Variants in ACTL6B observed in about 807,000 individuals in gnomAD.
The protein encoded by ACTL6B is actin-like protein 6B.
A neutral mutation model predicts 63.3 loss-of-function variants in ACTL6B; 48 were observed. That is an observed-to-expected ratio of 0.76 (90% confidence interval 0.60 to 0.96). ACTL6B has a LOEUF of 0.96. ACTL6B is among the 50% of genes least tolerant of loss of function. ACTL6B has a pLI of 0.00. For missense variants in ACTL6B, 350 were observed against 572.2 expected, an observed-to-expected ratio of 0.61 and a Z score of 3.96; for synonymous variants, 230 against 223.8, an observed-to-expected ratio of 1.03 and a Z score of -0.25.
rs1803819548 is a variant in ACTL6B, at chr7:100,646,238, T to C, written c.1200+11A>G. On this transcript the variant is annotated intron_variant, in intron 13 of 13. Transcript: ENST00000160382. This position sits in a 1 kb window ranked among gnomAD's most constrained non-coding sequence, Gnocchi z 6.1. ...CACAGTCAGTGCTAGGCCAGGTCCC[T>C]TTCCTCTCACCAGTGAGGCCAGGAT... is the stretch of plus-strand genomic sequence containing the variant. 1 of 1,613,382 alleles carries C rather than the reference T, an allele frequency of 6.2e-7. No individual in the cohort carries two copies. The highest frequency in any genetic ancestry group is 8.5e-7 in the Non-Finnish European group (1 of 1,179,548).
chr7:100,655,933 G>C lies in ACTL6B; in HGVS notation c.26-54C>G. 6.6e-7 allele frequency: 1 copy of C among 1,516,652 alleles called. No homozygotes were observed. The allele number at this position is 1,516,652 out of a possible 1,614,324, so 93.9% of individuals were successfully genotyped here. A position where few individuals can be genotyped will look rare whatever the true frequency, so the allele number is the denominator to read the frequency against. ...ACCTCCCCCGAACTCTCTCCCGCTA[G>C]GTAGCTCCGAGAGAAAGTCAGGGCA... On this transcript the variant is annotated intron_variant, in intron 1 of 13. Coordinates refer to ENST00000160382, the MANE Select transcript of ACTL6B (RefSeq NM_016188.5). This position sits in a 1 kb window ranked among gnomAD's most constrained non-coding sequence, Gnocchi z 4.4.
At position 100,655,276 on chromosome 7, in the gene ACTL6B, A is replaced by G. The variant is rs1804016541; in HGVS notation, c.268+145T>C. 1 of 1,231,892 alleles carries G rather than the reference A, an allele frequency of 8.1e-7. No homozygotes were observed. The highest frequency in any genetic ancestry group is 2.0e-5 in the Admixed American group (1 of 49,236). 76.3% of individuals were successfully genotyped at this position (1,231,892 alleles called of 1,614,324 possible). ...CCAGAAACCTGGTGGGCCCCTGGGA[A>G]GGGAACCCAGCGAGAAGAACCCTGG... is the stretch of plus-strand genomic sequence containing the variant. On this transcript the variant is annotated intron_variant, in intron 3 of 13. Transcript: ENST00000160382. The surrounding 1 kb of genome is among the most constrained non-coding windows in gnomAD (Gnocchi z 4.4).
At position 100,655,215 on chromosome 7, in the gene ACTL6B, G is replaced by T. The variant is rs1804015538; in HGVS notation, c.269-96C>A. On this transcript the variant is annotated intron_variant, in intron 3 of 13. Transcript: ENST00000160382. The surrounding 1 kb of genome is among the most constrained non-coding windows in gnomAD (Gnocchi z 4.4). ...GGAGAAAGGCCAAGCCCAAAGGAGG[G>T]TCAGTGAGTCCAGCTCCAGGGGAAC... 3.2e-6 allele frequency: 4 copies of T among 1,237,634 alleles called. No individual in the cohort carries two copies. The highest frequency in any genetic ancestry group is 1.5e-5 in the African/African-American group (1 of 67,884). 76.7% of individuals were successfully genotyped at this position (1,237,634 alleles called of 1,614,324 possible).
intron 13 of ACTL6B, among the ~76,000 whole-genome samples, chr7:100,645,371 C>T (rs762763186): frequency 2.6e-5 from 4 of 152,100 alleles, no homozygotes; most frequent in African/African-American, 4.8e-5. Flanking sequence ...TACTAGTTGC[C>T]CCTTGCTGTC....
chr7:100,655,111 A>C lies in ACTL6B; in HGVS notation c.277T>G (p.Trp93Gly). 1 of 1,613,872 alleles carries C rather than the reference A, an allele frequency of 6.2e-7. No homozygotes were observed. Among genetic ancestry groups the C allele is most frequent in the Non-Finnish European group, 8.5e-7 (1 of 1,179,892 alleles). ...TCCAGGATGGCTCGGAAGCACTCCC[A>C]GTCCTCGACTGGGGCCAGAAGAGCA... Reference protein sequence around the residue: ...SPLKNGMIEDWECFRAILDHT... With the variant: ...SPLKNGMIEDGECFRAILDHT... The change falls in exon 4 of 14, where the codon TGG becomes GGG. Residue 93 changes from tryptophan to glycine, a missense_variant. Trp to Gly is a radical substitution (Grantham distance 184). Coordinates refer to ENST00000160382, the MANE Select transcript of ACTL6B (RefSeq NM_016188.5). This position sits in a 1 kb window ranked among gnomAD's most constrained non-coding sequence, Gnocchi z 4.4.
chr7:100,654,706 C>T (rs1194514702), intron 4 of ACTL6B, among the ~76,000 whole-genome samples: 1 of 150,978 alleles, frequency 6.6e-6, no homozygotes, highest in Non-Finnish European at 1.5e-5. Flanking sequence ...CCTTTGATGT[C>T]GGGAGGCAGA....
chr7:100,645,286 C>G (rs1221150560), intron 13 of ACTL6B, among the ~76,000 whole-genome samples: 2 of 152,090 alleles, frequency 1.3e-5, no homozygotes, highest in African/African-American at 2.4e-5. Flanking sequence ...TGCTCAGTAC[C>G]TTCCTTCGAA....
Position 100,648,703 on chromosome 7 carries a change from AC to A in ACTL6B, c.562+25del, listed in dbSNP as rs1338030791. On this transcript the variant is annotated intron_variant, in intron 6 of 13. Coordinates refer to ENST00000160382, the MANE Select transcript of ACTL6B (RefSeq NM_016188.5). This position sits in a 1 kb window ranked among gnomAD's most constrained non-coding sequence, Gnocchi z 4.4. Reference sequence around the variant, plus strand: ...TGTCAGGACCTGGTCCTCCTGGAGCACCCCCACCCCCTGCCGAAGCCCCACC... The same window carrying A: ...TGTCAGGACCTGGTCCTCCTGGAGCACCCCACCCCCTGCCGAAGCCCCACC... 3.1e-6 allele frequency: 5 copies of A among 1,612,668 alleles called. No individual in the cohort carries two copies. In the African/African-American group the frequency reaches 5.4e-5, roughly 17 times the overall value.
Position 100,647,499 on chromosome 7 carries a change from T to G in ACTL6B, c.704A>C (p.Lys235Thr). 6.2e-7 allele frequency: 1 copy of G among 1,610,186 alleles called. No homozygotes were observed. Among genetic ancestry groups the G allele is most frequent in the Non-Finnish European group, 8.5e-7 (1 of 1,178,004 alleles). ...PVREGAPPNW[K>T]KKEKLPQVSK... ...GACCTGGGGTAGCTTCTCCTTCTTC[T>G]TCCAGTTTGGGGGGGCACCCTCCCG... The change falls in exon 8 of 14, where the codon AAG (lysine) becomes ACG (threonine). Residue 235 changes from lysine to threonine, a missense_variant. By Grantham distance (78) the Lys-to-Thr change is moderately conservative. Transcript: ENST00000160382. This position sits in a 1 kb window ranked among gnomAD's most constrained non-coding sequence, Gnocchi z 4.4.
In ACTL6B at chr7:100,646,448, G is replaced by A; in HGVS notation, c.1113+103C>T. 1 of 1,538,914 alleles carries A rather than the reference G, an allele frequency of 6.5e-7. No individual in the cohort carries two copies. Among genetic ancestry groups the A allele is most frequent in the Non-Finnish European group, 9.0e-7 (1 of 1,114,908 alleles). ...ACAGGGGCAGGGGTTCTGCTCTGGT[G>A]GCCAGAACAGAAGGAAGGACATGGG... On this transcript the variant is annotated intron_variant, in intron 12 of 13. Transcript: ENST00000160382. This position sits in a 1 kb window ranked among gnomAD's most constrained non-coding sequence, Gnocchi z 6.1.
chr7:100,647,351 C>A lies in ACTL6B; in HGVS notation c.760-67G>T, dbSNP rs779400172. 8 of 1,601,234 alleles carry A rather than the reference C, an allele frequency of 5.0e-6. No homozygotes were observed. The African/African-American group carries it at 9.4e-5, about 19-fold the overall frequency. ...GAGCAGCACCCCCTGCCCCGCTCCC[C>A]CTCCCTGCTCCCCCTCCCATGCGGG... On this transcript the variant is annotated intron_variant, in intron 8 of 13. Transcript: ENST00000160382. This position sits in a 1 kb window ranked among gnomAD's most constrained non-coding sequence, Gnocchi z 4.4.
In ACTL6B at chr7:100,645,638, A is replaced by ATT. The variant is rs59032705; in HGVS notation, c.1200+609_1200+610dup. On this transcript the variant is annotated intron_variant, in intron 13 of 13. Coordinates refer to ENST00000160382, the MANE Select transcript of ACTL6B (RefSeq NM_016188.5). ...CCAACTACCTGTCCCTCTACTCCCA[A>ATT]TTTTTTTTTTTTTTTGAGAGTCTTA... Among the ~76,000 whole-genome samples, 518 of 141,232 alleles carry ATT rather than the reference A, an allele frequency of 3.7e-3. 6 individuals carry two copies. The highest frequency in any genetic ancestry group is 0.012 in the African/African-American group (468 of 38,614). The allele number at this position is 141,232 out of a possible 152,430, so 92.7% of individuals were successfully genotyped here. A position where few individuals can be genotyped will look rare whatever the true frequency, so the allele number is the denominator to read the frequency against.
chr7:100,653,069 G>C (rs1803972786), intron 4 of ACTL6B, among the ~76,000 whole-genome samples: 1 of 115,324 alleles, frequency 8.7e-6, no homozygotes, highest in Non-Finnish European at 1.8e-5. Flanking sequence ...TCCAGTTCTA[G>C]GAAAACAAAA....
chr7:100,647,737 G>T lies in ACTL6B; in HGVS notation c.670-204C>A. 1 of 543,070 alleles carries T rather than the reference G, an allele frequency of 1.8e-6. No homozygotes were observed. Among genetic ancestry groups the T allele is most frequent in the Admixed American group, 3.3e-5 (1 of 29,912 alleles). The allele number at this position is 543,070 out of a possible 1,614,324, so 33.6% of individuals were successfully genotyped here. ...CTCCATGTGTGCCTTTCATGCGGTG[G>T]GTGCAGCTGATCTGGAGAACACCAG... is the stretch of plus-strand genomic sequence containing the variant. On this transcript the variant is annotated intron_variant, in intron 7 of 13. Coordinates refer to ENST00000160382, the MANE Select transcript of ACTL6B (RefSeq NM_016188.5). The surrounding 1 kb of genome is among the most constrained non-coding windows in gnomAD (Gnocchi z 4.4).
rs1803838233 is a variant in ACTL6B, at chr7:100,647,110, G to T, written c.822-25C>A. 1.9e-6 allele frequency: 3 copies of T among 1,612,566 alleles called. No homozygotes were observed. The highest frequency in any genetic ancestry group is 1.3e-5 in the African/African-American group (1 of 74,990). On this transcript the variant is annotated intron_variant, in intron 9 of 13. Coordinates refer to ENST00000160382, the MANE Select transcript of ACTL6B (RefSeq NM_016188.5). The surrounding 1 kb of genome is among the most constrained non-coding windows in gnomAD (Gnocchi z 4.4). ...CCTACCCAGAAGGGAGCAGGACTCTGCCTGGGGTGCTCAAGAAGGATCAGT... is the reference window on the plus strand; with the variant it reads ...CCTACCCAGAAGGGAGCAGGACTCTTCCTGGGGTGCTCAAGAAGGATCAGT...
At chr7:100,644,399 C>T (rs1803781476) in intron 13 of ACTL6B, among the ~76,000 whole-genome samples, 2 of 152,122 alleles carry the variant, frequency 1.3e-5, no homozygotes, top group Non-Finnish European at 2.9e-5. Flanking sequence ...CTTCCTGTAG[C>T]TCACCAGCCC....
chr7:100,655,377 C>G lies in ACTL6B; in HGVS notation c.268+44G>C, dbSNP rs780645459. ...CTGCTATGACCCAGATTGTGGGGAGCGGGCTCCTTTTCTGTCAGGAGGTGA... is the reference window on the plus strand; with the variant it reads ...CTGCTATGACCCAGATTGTGGGGAGGGGGCTCCTTTTCTGTCAGGAGGTGA... On this transcript the variant is annotated intron_variant, in intron 3 of 13. Transcript: ENST00000160382. The surrounding 1 kb of genome is among the most constrained non-coding windows in gnomAD (Gnocchi z 4.4). 9 of 1,590,090 alleles carry G rather than the reference C, an allele frequency of 5.7e-6. No homozygotes were observed. The African/African-American group carries it at 9.4e-5, about 17-fold the overall frequency.
chr7:100,651,623 G>A lies in ACTL6B; in HGVS notation c.370-1488C>T, dbSNP rs144562345. Among the ~76,000 whole-genome samples, 1,151 of 151,156 alleles carry A rather than the reference G, an allele frequency of 7.6e-3. 21 individuals carry two copies. Among genetic ancestry groups the A allele is most frequent in the African/African-American group, 0.026 (1,084 of 41,112 alleles). The stretch of plus-strand genomic sequence containing the variant: ...TTTTTAAATGGAGTCTCACTCTGTC[G>A]CCCAGGCTGGAGTTCAGTGGCATGA... On this transcript the variant is annotated intron_variant, in intron 4 of 13. Transcript: ENST00000160382.
At chr7:100,649,843 G>A in intron 5 of ACTL6B, 195 bp downstream of exon 5, 1 of 546,228 alleles carries the variant, frequency 1.8e-6, no homozygotes, top group South Asian at 2.1e-5. Context: ...AGGGGCCGCT[G>A]ATCTGGCCAC....
Sources: allele counts gnomAD v4.1 joint callset (sites outside exome capture counted in the v4.1 genomes callset), GRCh38; gene constraint gnomAD v4.1.1; non-coding constraint Gnocchi (gnomAD v3.1); transcripts MANE v1.5; gene names NCBI Gene and HGNC (gene_info 2026-07-23, HGNC 2026-07-21).